Variants in CUL5 observed in about 807,000 individuals in gnomAD.
The protein encoded by CUL5 is cullin-5.
In CUL5, 26 loss-of-function variants were observed where a neutral mutation model predicts 108.8. That is an observed-to-expected ratio of 0.24 (90% CI 0.18 to 0.33). CUL5 has a LOEUF of 0.33. Ranked by LOEUF, CUL5 falls within the 10% of genes least tolerant of loss-of-function variation. CUL5 has a pLI of 1.00. For synonymous variants in CUL5, 334 were observed against 298.0 expected, an observed-to-expected ratio of 1.12 and a Z score of -1.25; for missense variants, 524 against 909.2, an observed-to-expected ratio of 0.58 and a Z score of 5.45.
At chr11:108,022,279 T>C (rs1210792323) in intron 1 of CUL5, among the ~76,000 whole-genome samples, 1 of 151,482 alleles carries the variant, frequency 6.6e-6, no homozygotes, top group Non-Finnish European at 1.5e-5. Flanking sequence ...TATTTTGTTG[T>C]AAAGTAAGTG....
chr11:108,103,362 C>A (rs1864717206), intron 18 of CUL5, among the ~76,000 whole-genome samples: 1 of 151,662 alleles, frequency 6.6e-6, no homozygotes, highest in East Asian at 1.9e-4. Flanking sequence ...GGGTTCAAGA[C>A]CAACCTGGAC....
rs1864697750 is a variant in CUL5, at chr11:108,102,519, T to C, written c.2149-1671T>C. ...TTTGTTTTTGTATATTTTGTAGAGA[T>C]GGGGTTTCGCCATGTTGCCTAGGCT... On this transcript the variant is annotated intron_variant, in intron 18 of 18. Coordinates refer to ENST00000393094, the MANE Select transcript of CUL5 (RefSeq NM_003478.6). Among the ~76,000 whole-genome samples, 2 of 152,028 alleles carry C rather than the reference T, an allele frequency of 1.3e-5. 1 individual carries two copies. Among genetic ancestry groups the C allele is most frequent in the South Asian group, 4.1e-4 (2 of 4,828 alleles).
At chr11:108,089,871 C>G (rs1864308244) in intron 13 of CUL5, among the ~76,000 whole-genome samples, 1 of 151,744 alleles carries the variant, frequency 6.6e-6, no homozygotes, top group African/African-American at 2.4e-5. Flanking sequence ...AAAACCGCGT[C>G]TCTACTAAAA....
Position 108,009,095 on chromosome 11 carries a change from TC to T in CUL5, c.-252del. ...CCGTTACCTTCTCAGCATTCGCCGTTCCGGTCTTCCTGAGCGCGTGCATGAG... is the reference window on the plus strand; with the variant it reads ...CCGTTACCTTCTCAGCATTCGCCGTTCGGTCTTCCTGAGCGCGTGCATGAG... On this transcript the variant is annotated 5_prime_UTR_variant, in exon 1 of 19. An upstream open reading frame in the 5' UTR loses its in-frame stop. Transcript: ENST00000393094. 1 of 552,708 alleles carries T rather than the reference TC, an allele frequency of 1.8e-6. No individual in the cohort carries two copies. The highest frequency in any genetic ancestry group is 3.2e-6 in the Non-Finnish European group (1 of 309,072). 34.2% of individuals were successfully genotyped at this position (552,708 alleles called of 1,614,324 possible).
chr11:108,015,916 G>A (rs1458264932), intron 1 of CUL5, among the ~76,000 whole-genome samples: 1 of 152,056 alleles, frequency 6.6e-6, no homozygotes, highest in Non-Finnish European at 1.5e-5. Flanking sequence ...AAAAAGAGAG[G>A]TTTTGTTTTT....
intron 1 of CUL5, among the ~76,000 whole-genome samples, chr11:108,029,872 G>C (rs11604711): frequency 0.11 from 17,362 of 152,056 alleles, 1,119 homozygotes; most frequent in Non-Finnish European, 0.15. Flanking sequence ...CTGGTACTCT[G>C]CACCTTTTAT....
At chr11:108,092,115 C>T (rs1300890941) in intron 13 of CUL5, among the ~76,000 whole-genome samples, 1 of 152,158 alleles carries the variant, frequency 6.6e-6, no homozygotes, top group South Asian at 2.1e-4. Context: ...GCAGCCTGGG[C>T]AACAGAGTGA....
chr11:108,033,819 G>A lies in CUL5; in HGVS notation c.42G>A (p.Gln14=). Residue 14 remains glutamine (Q), a synonymous_variant, in exon 2 of 19, where the codon CAG becomes CAA. Coordinates refer to ENST00000393094, the MANE Select transcript of CUL5 (RefSeq NM_003478.6). ...TTTTCAAGAATAAAGGTTCTCTTCAGTTTGAAGACAAATGGGATTTTATGC... is the reference window on the plus strand; with the variant it reads ...TTTTCAAGAATAAAGGTTCTCTTCAATTTGAAGACAAATGGGATTTTATGC... ...SNLLKNKGSL[Q]FEDKWDFMRP... 6.2e-7 allele frequency: 1 copy of A among 1,601,492 alleles called. No homozygotes were observed. The highest frequency in any genetic ancestry group is 2.2e-5 in the East Asian group (1 of 44,706).
intron 11 of CUL5, among the ~76,000 whole-genome samples, chr11:108,084,216 G>A (rs757107436): frequency 1.3e-5 from 2 of 152,040 alleles, no homozygotes; most frequent in African/African-American, 2.4e-5. Context: ...TAGAAAATCA[G>A]GTAAATGTAA....
chr11:108,015,595 G>A (rs554406967), intron 1 of CUL5, among the ~76,000 whole-genome samples: 4 of 152,312 alleles, frequency 2.6e-5, no homozygotes, highest in South Asian at 2.1e-4. Flanking sequence ...GGTTGCATTC[G>A]ACACAGCCTA....
intron 18 of CUL5, among the ~76,000 whole-genome samples, chr11:108,099,081 T>G (rs540235760): frequency 6.7e-6 from 1 of 148,904 alleles, no homozygotes; most frequent in Non-Finnish European, 1.5e-5. Flanking sequence ...CTTAACTCAC[T>G]GCAGCCTCAA....
chr11:108,081,684 A>G (rs990516581), intron 11 of CUL5, among the ~76,000 whole-genome samples: 13 of 152,018 alleles, frequency 8.6e-5, no homozygotes, highest in South Asian at 6.2e-4. Flanking sequence ...CCTGGGAGGC[A>G]GAGCTTGCAG....
intron 11 of CUL5, among the ~76,000 whole-genome samples, chr11:108,082,995 C>T (rs1308462870): frequency 6.6e-6 from 1 of 152,180 alleles, no homozygotes; most frequent in Non-Finnish European, 1.5e-5. Context: ...GCTCAGATAC[C>T]TTTTTTGTAG....
intron 15 of CUL5, 76 bp from the exon 16 acceptor site, chr11:108,095,454 T>C (rs1864467668): frequency 1.9e-6 from 2 of 1,040,392 alleles, no homozygotes; most frequent in South Asian, 3.4e-5. Flanking sequence ...CTTTTTCATA[T>C]ATAAATTCAT....
Position 108,097,529 on chromosome 11 carries a change from T to G in CUL5, c.1906-107T>G, listed in dbSNP as rs564742247. On this transcript the variant is annotated intron_variant, in intron 16 of 18. Transcript: ENST00000393094. ...TCATGGAAGTACCACACATTTTAAG[T>G]TTGTGTTTGTAATCTTTTTCTTGCC... is the stretch of plus-strand genomic sequence containing the variant. 6.3e-6 allele frequency: 4 copies of G among 635,212 alleles called. No homozygotes were observed. The African/African-American group carries it at 7.2e-5, about 11-fold the overall frequency. The allele number at this position is 635,212 out of a possible 1,614,324, so 39.3% of individuals were successfully genotyped here. A position where few individuals can be genotyped will look rare whatever the true frequency, so the allele number is the denominator to read the frequency against.
At chr11:108,087,515 G>C (rs1864246724) in intron 11 of CUL5, among the ~76,000 whole-genome samples, 1 of 152,110 alleles carries the variant, frequency 6.6e-6, no homozygotes, top group South Asian at 2.1e-4. Flanking sequence ...ATACTGCTGG[G>C]TGCAGTGGCA....
At chr11:108,031,259 G>C (rs866024270) in intron 1 of CUL5, among the ~76,000 whole-genome samples, 1 of 151,586 alleles carries the variant, frequency 6.6e-6, no homozygotes, top group Admixed American at 6.6e-5. Context: ...TCAGCTACTC[G>C]GAGGCTGAGG....
intron 1 of CUL5, among the ~76,000 whole-genome samples, chr11:108,017,846 CAA>C (rs113605419): frequency 2.8e-5 from 4 of 142,684 alleles, no homozygotes; most frequent in Non-Finnish European, 4.6e-5. Flanking sequence ...GACCCTGTCT[CAA>C]AAAAAAAAAG....
chr11:108,020,186 A>T (rs1478868568), intron 1 of CUL5, among the ~76,000 whole-genome samples: 3 of 152,232 alleles, frequency 2.0e-5, no homozygotes, highest in Non-Finnish European at 2.9e-5. Context: ...TTACTGTTAT[A>T]TACTTGTTTT....
Sources: gnomAD v4.1 joint callset for allele counts (sites outside exome capture counted in the v4.1 genomes callset) on GRCh38, gnomAD v4.1.1 for gene constraint, MANE v1.5 for transcripts, NCBI Gene and HGNC (gene_info 2026-07-23, HGNC 2026-07-21) for gene names.